NEBL: variants seen among roughly 807,000 people sequenced by gnomAD.
NEBL encodes the protein nebulette.
In NEBL, 122 loss-of-function variants were observed where a neutral mutation model predicts 140.2. The ratio of observed to expected loss-of-function variants is 0.87; its 90% CI spans 0.75 to 1.01. NEBL has a LOEUF of 1.01. NEBL is among the 50% of genes least tolerant of loss of function. The pLI is 0.00. For synonymous variants in NEBL, 436 were observed against 398.9 expected, an observed-to-expected ratio of 1.09 and a Z score of -1.11; for missense variants, 1,365 against 1,231.3, an observed-to-expected ratio of 1.11 and a Z score of -1.62.
intron 26 of NEBL, among the ~76,000 whole-genome samples, chr10:20,794,002 C>A (rs763551216): frequency 5.9e-5 from 9 of 152,198 alleles, no homozygotes; most frequent in Non-Finnish European, 1.2e-4. Flanking sequence ...TCCCCCAGTG[C>A]TTTGTTTCCA....
At chr10:21,107,469 T>A (rs2132008164) in intron 2 of NEBL, among the ~76,000 whole-genome samples, 1 of 152,312 alleles carries the variant, frequency 6.6e-6, no homozygotes, top group South Asian at 2.1e-4. Flanking sequence ...GTGGATTATG[T>A]TTATTGATTT....
chr10:20,992,927 G>A (rs1235243983), intron 3 of NEBL, among the ~76,000 whole-genome samples: 17 of 151,244 alleles, frequency 1.1e-4, no homozygotes, highest in African/African-American at 1.9e-4. Context: ...ACAGGCGCCC[G>A]CCACCACACC....
At chr10:20,977,668 C>T (rs950069557) in intron 3 of NEBL, among the ~76,000 whole-genome samples, 1 of 152,062 alleles carries the variant, frequency 6.6e-6, no homozygotes, top group Admixed American at 6.5e-5. Flanking sequence ...AGACCCCGCA[C>T]TGGGGTGAAA....
At chr10:21,084,036 A>G (rs1836505570) in intron 2 of NEBL, among the ~76,000 whole-genome samples, 1 of 152,248 alleles carries the variant, frequency 6.6e-6, no homozygotes, top group South Asian at 2.1e-4. Context: ...AGTATAAATA[A>G]CCTGAATTTC....
intron 3 of NEBL, among the ~76,000 whole-genome samples, chr10:21,200,441 G>A (rs1384537810): frequency 6.7e-6 from 1 of 149,654 alleles, no homozygotes; most frequent in Non-Finnish European, 1.5e-5. Context: ...AGCCTCCTGA[G>A]TAGCTGGGAC....
At chr10:21,133,684 A>G (rs1839218631) in intron 2 of NEBL, among the ~76,000 whole-genome samples, 1 of 152,196 alleles carries the variant, frequency 6.6e-6, no homozygotes, top group Non-Finnish European at 1.5e-5. Flanking sequence ...ATCAGGAAAG[A>G]TCCCATCATA....
intron 3 of NEBL, among the ~76,000 whole-genome samples, chr10:20,987,835 T>G (rs1837314310): frequency 6.6e-6 from 1 of 152,092 alleles, no homozygotes; most frequent in African/African-American, 2.4e-5. Context: ...TTTTAATACT[T>G]CAACAATCCT....
At chr10:21,196,977 A>C (rs975002539) in intron 3 of NEBL, among the ~76,000 whole-genome samples, 2 of 152,034 alleles carry the variant, frequency 1.3e-5, no homozygotes, top group Admixed American at 6.6e-5. Flanking sequence ...TTTTTCTCGG[A>C]TGTTATTTCG....
chr10:20,957,015 G>T (rs1267240217), intron 4 of NEBL, among the ~76,000 whole-genome samples: 1 of 152,080 alleles, frequency 6.6e-6, no homozygotes, highest in Non-Finnish European at 1.5e-5. Context: ...CCTGAACATG[G>T]TTACAGTCAG....
intron 2 of NEBL, among the ~76,000 whole-genome samples, chr10:21,249,367 A>G (rs1445228485): frequency 6.6e-6 from 1 of 152,168 alleles, no homozygotes; most frequent in East Asian, 1.9e-4. Context: ...TCAATGTACA[A>G]AAGTTTCTAA....
intron 2 of NEBL, among the ~76,000 whole-genome samples, chr10:21,146,766 G>A (rs1006545145): frequency 6.6e-6 from 1 of 152,170 alleles, no homozygotes; most frequent in Admixed American, 6.5e-5. Flanking sequence ...CTTGGGCTAT[G>A]AGCAGGTCCC....
chr10:20,897,583 A>G (rs1211197943), upstream of NEBL: 23 of 1,034,970 alleles, frequency 2.2e-5, no homozygotes, highest in Non-Finnish European at 2.6e-5. Context: ...TGGGAAAACT[A>G]CTCAGCTCTA....
intron 4 of NEBL, among the ~76,000 whole-genome samples, chr10:20,918,363 A>G (rs1833409783): frequency 1.3e-5 from 2 of 151,948 alleles, no homozygotes; most frequent in Non-Finnish European, 2.9e-5. Context: ...GTCTCAAAAA[A>G]AAGAATCCAA....
chr10:21,146,832 C>T (rs971193238), intron 2 of NEBL, among the ~76,000 whole-genome samples: 1 of 152,132 alleles, frequency 6.6e-6, no homozygotes, highest in Admixed American at 6.5e-5. Context: ...TGCTTTATGG[C>T]TGGTCTATTA....
At chr10:21,107,936 A>T (rs764225643) in intron 2 of NEBL, among the ~76,000 whole-genome samples, 8 of 151,898 alleles carry the variant, frequency 5.3e-5, no homozygotes, top group Non-Finnish European at 1.2e-4. Context: ...TGTCTTCTAG[A>T]TTTTCTAGTT....
chr10:20,925,518 T>C (rs765276262), intron 4 of NEBL, among the ~76,000 whole-genome samples: 30 of 152,188 alleles, frequency 2.0e-4, no homozygotes, highest in Non-Finnish European at 4.1e-4. Flanking sequence ...TCCAAAAGCA[T>C]GGACTTCCTC....
At chr10:20,847,363 C>T (rs1226092111) in intron 11 of NEBL, among the ~76,000 whole-genome samples, 1 of 152,108 alleles carries the variant, frequency 6.6e-6, no homozygotes, top group Non-Finnish European at 1.5e-5. Context: ...GAAAACATGT[C>T]TCACTTGGCA....
chr10:21,078,003 C>G (rs917730754), intron 2 of NEBL, among the ~76,000 whole-genome samples: 4 of 152,162 alleles, frequency 2.6e-5, no homozygotes, highest in Non-Finnish European at 4.4e-5. Flanking sequence ...CACTGAGACA[C>G]CTTCCAGAGC....
chr10:20,836,002 T>G (rs777243642), intron 13 of NEBL, among the ~76,000 whole-genome samples: 1 of 152,182 alleles, frequency 6.6e-6, no homozygotes, highest in Non-Finnish European at 1.5e-5. Flanking sequence ...TCTTAACCTT[T>G]CCAGTTTACT....
Sources: allele counts gnomAD v4.1 joint callset (sites outside exome capture counted in the v4.1 genomes callset), GRCh38; gene constraint gnomAD v4.1.1; transcripts MANE v1.5; gene names NCBI Gene and HGNC (gene_info 2026-07-23, HGNC 2026-07-21).